Variants in ATP2C2 observed in about 807,000 individuals in gnomAD.
ATP2C2 encodes calcium-transporting ATPase type 2C member 2.
Under a neutral mutation model 110.8 loss-of-function variants are expected in ATP2C2, and 171 were observed. That is an observed-to-expected ratio of 1.54 (90% confidence interval 1.36 to 1.75). The LOEUF (loss-of-function observed/expected upper bound fraction) is 1.75, where lower values mean the gene tolerates loss of function less well. ATP2C2 is among the 40% of genes most tolerant of loss of function. The pLI, the probability that ATP2C2 is intolerant of heterozygous loss-of-function variation, is 0.00. For synonymous variants in ATP2C2, 804 were observed against 508.4 expected (o/e 1.58, Z -7.82); for missense variants, 1,963 against 1,235.0 (o/e 1.59, Z -8.84).
At chr16:84,421,586 G>C (rs936274477) in intron 7 of ATP2C2, among the ~76,000 whole-genome samples, 3 of 152,090 alleles carry the variant, frequency 2.0e-5, no homozygotes, top group Admixed American at 6.6e-5. Context: ...GAACTCAGAG[G>C]TGTCTGGCAC....
At position 84,464,077 on chromosome 16, in the gene ATP2C2, AGAG is replaced by A. The variant is rs1414494290; in HGVS notation, c.*347_*349del. 1 of 199,234 alleles carries A rather than the reference AGAG, an allele frequency of 5.0e-6. No individual in the cohort carries two copies. The highest frequency in any genetic ancestry group is 1.0e-5 in the Non-Finnish European group (1 of 98,240). 12.3% of individuals were successfully genotyped at this position (199,234 alleles called of 1,614,324 possible). ...TCGTGGCAGATACAAGGGGCTCCTG[AGAG>A]GCAGTGGGTAGGATGGTCACACTCT... On this transcript the variant is annotated 3_prime_UTR_variant, in exon 27 of 27. Coordinates refer to ENST00000262429, the MANE Select transcript of ATP2C2 (RefSeq NM_014861.4).
intron 10 of ATP2C2, 65 bp from the exon 11 acceptor site, chr16:84,425,670 A>T (rs540806353): frequency 1.3e-6 from 2 of 1,553,978 alleles, no homozygotes; most frequent in East Asian, 4.5e-5. Flanking sequence ...AGTGAGTTTG[A>T]ATCCCTCCAG....
chr16:84,427,632 G>A (rs1005736450), intron 11 of ATP2C2, among the ~76,000 whole-genome samples: 1 of 152,120 alleles, frequency 6.6e-6, no homozygotes, highest in African/African-American at 2.4e-5. Flanking sequence ...CAGAAGAATC[G>A]CTTGAGCCCG....
chr16:84,432,953 G>A (rs765515316), intron 11 of ATP2C2, among the ~76,000 whole-genome samples: 9 of 152,192 alleles, frequency 5.9e-5, no homozygotes, highest in Non-Finnish European at 1.2e-4. Flanking sequence ...CAGGAAAGAG[G>A]CCAAGACACC....
chr16:84,372,326 C>A (rs890816289), intron 1 of ATP2C2, among the ~76,000 whole-genome samples: 4 of 152,212 alleles, frequency 2.6e-5, no homozygotes, highest in African/African-American at 9.6e-5. Flanking sequence ...TTCTGAGGCT[C>A]ATGCACACAC....
At chr16:84,379,906 C>T (rs1011945195) in intron 1 of ATP2C2, among the ~76,000 whole-genome samples, 36 of 152,210 alleles carry the variant, frequency 2.4e-4, no homozygotes, top group African/African-American at 8.7e-4. Flanking sequence ...TAGGTATGGC[C>T]TGGGTGTGGG....
chr16:84,427,195 T>C (rs1182513050), intron 11 of ATP2C2, among the ~76,000 whole-genome samples: 2 of 152,174 alleles, frequency 1.3e-5, no homozygotes, highest in Non-Finnish European at 2.9e-5. Context: ...TGTCTGTTCA[T>C]ATGTATATAT....
At chr16:84,371,043 G>T (rs1333715264) in intron 1 of ATP2C2, among the ~76,000 whole-genome samples, 2 of 152,214 alleles carry the variant, frequency 1.3e-5, no homozygotes, top group Non-Finnish European at 2.9e-5. Context: ...GTTCATAAAG[G>T]AGGCCAATGG....
At position 84,405,150 on chromosome 16, in the gene ATP2C2, C is replaced by T. The variant is rs371553192; in HGVS notation, c.233C>T (p.Ser78Leu). ...AFCVDLHTGL[S>L]EFSVTQRRLA... ...CAGGTGGACTTACACACTGGGCTGT[C>T]GGAGTTCTCGGTGACGCAGCGCCGG... The change falls in exon 3 of 27, where the codon TCG (serine) becomes TTG (leucine). Residue 78 changes from serine to leucine, a missense_variant. Coordinates refer to ENST00000262429, the MANE Select transcript of ATP2C2 (RefSeq NM_014861.4). 138 of 1,613,658 alleles carry T rather than the reference C, an allele frequency of 8.6e-5. No individual in the cohort carries two copies. Among genetic ancestry groups the T allele is most frequent in the Middle Eastern group, 1.6e-4 (1 of 6,084 alleles).
Position 84,398,570 on chromosome 16 carries a change from G to C in ATP2C2, c.171G>C (p.Ala57=), listed in dbSNP as rs4782948. Residue 57 remains alanine, a synonymous_variant, in exon 2 of 27, where the codon GCG becomes GCC. Coordinates refer to ENST00000262429, the MANE Select transcript of ATP2C2 (RefSeq NM_014861.4). ...TGACAGCCCTGCCCCCCAAGGAAGC[G>C]TGCAAATGCCAGAAAGAGGATTTGG... The part of the protein sequence containing the change: ...KKVTALPPKE[A]CKCQKEDLAR... 1.2e-4 allele frequency: 189 copies of C among 1,612,954 alleles called. No individual in the cohort carries two copies. Among genetic ancestry groups the C allele is most frequent in the Non-Finnish European group, 1.5e-4 (176 of 1,179,572 alleles).
chr16:84,445,505 G>T (rs749452266), intron 15 of ATP2C2, among the ~76,000 whole-genome samples: 27 of 152,226 alleles, frequency 1.8e-4, no homozygotes, highest in South Asian at 4.1e-4. Flanking sequence ...ACCATGCCCG[G>T]CCTTCCTCCT....
At chr16:84,372,657 C>A (rs147292795) in intron 1 of ATP2C2, among the ~76,000 whole-genome samples, 18,397 of 151,700 alleles carry the variant, frequency 0.12, 1,211 homozygotes, top group African/African-American at 0.17. Flanking sequence ...AACTCCTGAC[C>A]TCATGATCCG....
At chr16:84,418,178 G>C (rs970262993) in intron 7 of ATP2C2, among the ~76,000 whole-genome samples, 2 of 152,234 alleles carry the variant, frequency 1.3e-5, no homozygotes, top group Non-Finnish European at 2.9e-5. Flanking sequence ...TCGTCTTGGA[G>C]GTGGGGGCAC....
Position 84,463,866 on chromosome 16 carries a change from G to T in ATP2C2, c.*134G>T. 1.2e-6 allele frequency: 1 copy of T among 805,122 alleles called. No homozygotes were observed. Among genetic ancestry groups the T allele is most frequent in the Non-Finnish European group, 2.0e-6 (1 of 496,332 alleles). 49.9% of individuals were successfully genotyped at this position (805,122 alleles called of 1,614,324 possible). On this transcript the variant is annotated 3_prime_UTR_variant, in exon 27 of 27. Transcript: ENST00000262429. Reference sequence around the variant, plus strand: ...TCACCGGATCAGTTTTTCCTCTTAGGAAAGCTGCAGGAACCTCGTGGGCTC... The same window carrying T: ...TCACCGGATCAGTTTTTCCTCTTAGTAAAGCTGCAGGAACCTCGTGGGCTC...
At chr16:84,452,611 G>A (rs1334176036) in intron 18 of ATP2C2, among the ~76,000 whole-genome samples, 1 of 148,334 alleles carries the variant, frequency 6.7e-6, no homozygotes, top group Non-Finnish European at 1.5e-5. Flanking sequence ...CAATTCTCCT[G>A]CCTCAGCCTC....
intron 12 of ATP2C2, 57 bp downstream of exon 12, chr16:84,439,347 G>A (rs1331152175): frequency 2.7e-5 from 43 of 1,613,348 alleles, no homozygotes; most frequent in Middle Eastern, 1.7e-4. Context: ...GGGCTTGGCT[G>A]TCAGGGCAAT....
intron 6 of ATP2C2, 135 bp from the exon 7 acceptor site, chr16:84,415,348 A>G (rs1168400218): frequency 1.4e-6 from 1 of 722,468 alleles, no homozygotes; most frequent in African/African-American, 1.8e-5. Context: ...TCAAAATAAT[A>G]ACACCCCAAA....
At chr16:84,429,126 T>C (rs1288087207) in intron 11 of ATP2C2, among the ~76,000 whole-genome samples, 5 of 134,912 alleles carry the variant, frequency 3.7e-5, no homozygotes, top group African/African-American at 1.4e-4. Flanking sequence ...AACAGAACGA[T>C]CTTCATGGCG....
intron 11 of ATP2C2, among the ~76,000 whole-genome samples, chr16:84,437,009 G>A (rs183604248): frequency 2.0e-5 from 3 of 152,180 alleles, no homozygotes; most frequent in South Asian, 2.1e-4. Context: ...TGATCGAGGC[G>A]CCTCAGCCTC....
Sources: gnomAD v4.1 joint callset for allele counts (sites outside exome capture counted in the v4.1 genomes callset) on GRCh38, gnomAD v4.1.1 for gene constraint, MANE v1.5 for transcripts, NCBI Gene and HGNC (gene_info 2026-07-23, HGNC 2026-07-21) for gene names.